The following DDI2 variants were observed in gnomAD, a reference collection of about 807,000 sequenced individuals.
DDI2 encodes the protein protein DDI1 homolog 2.
In DDI2, 5 loss-of-function variants were observed where a neutral mutation model predicts 48.1. The observed-to-expected ratio is 0.10, with a 90% CI of 0.05 to 0.22. The LOEUF (loss-of-function observed/expected upper bound fraction) is 0.22, where lower values mean the gene tolerates loss of function less well. Among genes scored for constraint, DDI2 ranks in the 10% least tolerant of loss-of-function variants. DDI2 has a pLI of 1.00. For missense variants in DDI2, 285 were observed against 506.2 expected (o/e 0.56, Z 4.19); for synonymous variants, 205 against 183.6 (o/e 1.12, Z -0.94).
chr1:15,630,626 T>C lies in DDI2; in HGVS notation c.505+65T>C, dbSNP rs948383742. 7 of 1,114,746 alleles carry C rather than the reference T, an allele frequency of 6.3e-6. No individual in the cohort carries two copies. The African/African-American group carries it at 9.2e-5, about 15-fold the overall frequency. 69.1% of individuals were successfully genotyped at this position (1,114,746 alleles called of 1,614,324 possible). A position where few individuals can be genotyped will look rare whatever the true frequency, so the allele number is the denominator to read the frequency against. On this transcript the variant is annotated intron_variant, in intron 3 of 9. Transcript: ENST00000480945. ...GGTGAAGAAGCTGTGTCATAGCAAATGTGAAGAGACTCAAGCGACACTGTG... is the reference window on the plus strand; with the variant it reads ...GGTGAAGAAGCTGTGTCATAGCAAACGTGAAGAGACTCAAGCGACACTGTG...
intron 5 of DDI2, among the ~76,000 whole-genome samples, chr1:15,639,869 G>A (rs1475355148): frequency 6.6e-6 from 1 of 152,036 alleles, no homozygotes; most frequent in Non-Finnish European, 1.5e-5. Context: ...TTAGCCGGGT[G>A]TGGTGGTGCG....
chr1:15,642,813 ATCCCAGCAC>A (rs1640030941), intron 5 of DDI2, among the ~76,000 whole-genome samples: 1 of 152,192 alleles, frequency 6.6e-6, no homozygotes, highest in Non-Finnish European at 1.5e-5. Context: ...CACGCCTGTA[ATCCCAGCAC>A]TTTGGGAGGC....
intron 5 of DDI2, among the ~76,000 whole-genome samples, chr1:15,639,864 C>T (rs552531906): frequency 1.3e-5 from 2 of 151,700 alleles, no homozygotes; most frequent in South Asian, 2.1e-4. Flanking sequence ...AAAAATTAGC[C>T]GGGTGTGGTG....
At chr1:15,624,875 G>A (rs1264701118) in intron 1 of DDI2, among the ~76,000 whole-genome samples, 1 of 152,086 alleles carries the variant, frequency 6.6e-6, no homozygotes, top group Non-Finnish European at 1.5e-5. Context: ...TAGGATTATA[G>A]GCATGAGCCA....
At position 15,630,325 on chromosome 1, in the gene DDI2, A is replaced by G. The variant is rs1639823852; in HGVS notation, c.269A>G (p.Asn90Ser). Reference protein sequence around the residue: ...ADPRPPVQFPNLPRIDFSSIA... With the variant: ...ADPRPPVQFPSLPRIDFSSIA... The stretch of plus-strand genomic sequence containing the variant: ...AAACTGAATTGATTTTCCCCAACAG[A>G]CTTACCCCGAATAGATTTCAGTAGT... The change falls in exon 3 of 10, where the codon AAC (asparagine) becomes AGC (serine). Residue 90 changes from asparagine to serine, a missense_variant and splice_region_variant. By Grantham distance (46) the Asn-to-Ser change is conservative. This residue lies in a region of DDI2 where 149 missense variants were observed against 236.5 expected (regional missense o/e 0.63). Coordinates refer to ENST00000480945, the MANE Select transcript of DDI2 (RefSeq NM_032341.5). The G allele has an allele frequency of 6.2e-7, 1 of 1,614,070 alleles. No individual in the cohort carries two copies. Among genetic ancestry groups the G allele is most frequent in the South Asian group, 1.1e-5 (1 of 91,076 alleles).
Position 15,667,448 on chromosome 1 carries a change from C to CT in DDI2, c.*7659dup, listed in dbSNP as rs762716326. On this transcript the variant is annotated 3_prime_UTR_variant, in exon 10 of 10. Coordinates refer to ENST00000480945, the MANE Select transcript of DDI2 (RefSeq NM_032341.5). Reference sequence around the variant, plus strand: ...GAAACATGGAGTGTGCGGCAGCATCCTCCTCACATCCCTTTGTGAGCACGG... The same window carrying CT: ...GAAACATGGAGTGTGCGGCAGCATCCTTCCTCACATCCCTTTGTGAGCACGG... 6.6e-6 allele frequency: 1 copy of CT among 152,190 alleles called. No homozygotes were observed. Among genetic ancestry groups the CT allele is most frequent in the Non-Finnish European group, 1.5e-5 (1 of 68,046 alleles). The allele number at this position is 152,190 out of a possible 1,614,324, so 9.4% of individuals were successfully genotyped here. A position where few individuals can be genotyped will look rare whatever the true frequency, so the allele number is the denominator to read the frequency against.
chr1:15,656,825 T>A (rs1173463187), intron 9 of DDI2, 146 bp downstream of exon 9: 2 of 1,096,326 alleles, frequency 1.8e-6, no homozygotes, highest in Non-Finnish European at 2.6e-6. Flanking sequence ...TATGCATTTG[T>A]ATTTTGGCAT....
Position 15,651,879 on chromosome 1 carries a change from A to G in DDI2, c.1167A>G (p.Lys389=), listed in dbSNP as rs747581200. The G allele has an allele frequency of 8.1e-6, 13 of 1,613,582 alleles. No individual in the cohort carries two copies. In the Admixed American group the frequency reaches 1.5e-4, roughly 19 times the overall value. ...AAGAATTAGCAGAAGCCCTTCAAAA[A>G]TCAGCAGAGGATGCAGGTATTTGGG... ...ADQELAEALQ[K]SAEDAERQKP Residue 389 remains lysine, a synonymous_variant, in exon 8 of 10, where the codon AAA becomes AAG. Transcript: ENST00000480945.
chr1:15,661,388 C>T lies in DDI2; in HGVS notation c.*1598C>T. 2.5e-6 allele frequency: 4 copies of T among 1,614,216 alleles called. No individual in the cohort carries two copies. The highest frequency in any genetic ancestry group is 3.4e-6 in the Non-Finnish European group (4 of 1,180,032). ...GGTGAGGAGGATGCACTCAATCAGA[C>T]TTCTGAGCAAACTAAGTCTTTGTCA... is the stretch of plus-strand genomic sequence containing the variant. On this transcript the variant is annotated 3_prime_UTR_variant, in exon 10 of 10. Transcript: ENST00000480945.
At position 15,656,541 on chromosome 1, in the gene DDI2, G is replaced by A. The variant is rs1012345634; in HGVS notation, c.1184-76G>A. ...CTGATTTTAAAGATGGCAAAAGAACGGAAACTATAACCCTGCATGCTGTGT... is the reference window on the plus strand; with the variant it reads ...CTGATTTTAAAGATGGCAAAAGAACAGAAACTATAACCCTGCATGCTGTGT... On this transcript the variant is annotated intron_variant, in intron 8 of 9. Transcript: ENST00000480945. 3.2e-5 allele frequency: 51 copies of A among 1,611,760 alleles called. No individual in the cohort carries two copies. In the Admixed American group the frequency reaches 7.0e-4, roughly 22 times the overall value.
intron 3 of DDI2, 38 bp from the exon 4 acceptor site, chr1:15,633,401 A>G (rs749243084): frequency 1.1e-5 from 17 of 1,605,420 alleles, no homozygotes; most frequent in Non-Finnish European, 1.4e-5. Context: ...CGTTGAAAAT[A>G]TAGTGATATT....
At chr1:15,653,011 AAG>A (rs1210230492) in intron 8 of DDI2, among the ~76,000 whole-genome samples, 3 of 152,246 alleles carry the variant, frequency 2.0e-5, no homozygotes, top group Admixed American at 2.0e-4. Context: ...TCTCATAAAA[AAG>A]AGAAACATTC....
At chr1:15,658,980 A>C (rs1277842669) in intron 9 of DDI2, among the ~76,000 whole-genome samples, 1 of 152,204 alleles carries the variant, frequency 6.6e-6, no homozygotes, top group African/African-American at 2.4e-5. Flanking sequence ...AAACATTTAA[A>C]TATTCTTAAC....
At chr1:15,651,382 A>T (rs7529759) in intron 7 of DDI2, among the ~76,000 whole-genome samples, 2 of 151,904 alleles carry the variant, frequency 1.3e-5, no homozygotes, top group Middle Eastern at 3.5e-3. Flanking sequence ...TGCGTGGCAC[A>T]ATCTTGGCTC....
chr1:15,660,244 C>A lies in DDI2; in HGVS notation c.*454C>A. 1 of 1,614,162 alleles carries A rather than the reference C, an allele frequency of 6.2e-7. No homozygotes were observed. The highest frequency in any genetic ancestry group is 8.5e-7 in the Non-Finnish European group (1 of 1,180,030). On this transcript the variant is annotated 3_prime_UTR_variant, in exon 10 of 10. Transcript: ENST00000480945. Reference sequence around the variant, plus strand: ...CACCCAGGGCCTCAAATTTCATCTCCATACAAGACAGGAAGCTAGTTTATC... The same window carrying A: ...CACCCAGGGCCTCAAATTTCATCTCAATACAAGACAGGAAGCTAGTTTATC...
At chr1:15,621,154 T>G (rs751742246) in intron 1 of DDI2, among the ~76,000 whole-genome samples, 1 of 152,168 alleles carries the variant, frequency 6.6e-6, no homozygotes, top group Non-Finnish European at 1.5e-5. Flanking sequence ...TGGCTCTGTT[T>G]GATGCTTTGA....
Position 15,661,381 on chromosome 1 carries a change from A to G in DDI2, c.*1591A>G. The G allele has an allele frequency of 1.2e-6, 2 of 1,614,212 alleles. No homozygotes were observed. The highest frequency in any genetic ancestry group is 2.2e-5 in the South Asian group (2 of 91,090). ...TTTAGCAGGTGAGGAGGATGCACTC[A>G]ATCAGACTTCTGAGCAAACTAAGTC... On this transcript the variant is annotated 3_prime_UTR_variant, in exon 10 of 10. Transcript: ENST00000480945.
In DDI2 at chr1:15,630,380, G is replaced by A. The variant is rs1639824745; in HGVS notation, c.324G>A (p.Arg108=). The change falls in exon 3 of 10, where the codon CGG becomes CGA. Residue 108 remains arginine, a synonymous_variant. Coordinates refer to ENST00000480945, the MANE Select transcript of DDI2 (RefSeq NM_032341.5). ...CTGTGCCTGGCACATCAAGTCCCCG[G>A]CAGCGCCAGCCACCAGGAACACAGC... The part of the protein sequence containing the change: ...SIAVPGTSSP[R]QRQPPGTQQS... The A allele has an allele frequency of 1.2e-6, 2 of 1,614,064 alleles. No individual in the cohort carries two copies. The highest frequency in any genetic ancestry group is 4.5e-5 in the East Asian group (2 of 44,896).
At chr1:15,647,819 CG>C (rs555915593) in intron 6 of DDI2, among the ~76,000 whole-genome samples, 6 of 151,950 alleles carry the variant, frequency 3.9e-5, no homozygotes, top group Non-Finnish European at 5.9e-5. Flanking sequence ...AAAAATTAGC[CG>C]GTTGTCATGA....
Sources: allele counts gnomAD v4.1 joint callset (sites outside exome capture counted in the v4.1 genomes callset), GRCh38; gene constraint gnomAD v4.1.1; regional missense constraint gnomAD v4.1.1; transcripts MANE v1.5; gene names NCBI Gene and HGNC (gene_info 2026-07-23, HGNC 2026-07-21).